The following INPP4B variants were observed in gnomAD, a reference collection of about 807,000 sequenced individuals.
INPP4B encodes inositol polyphosphate 4-phosphatase type II.
Under a neutral mutation model 122.5 loss-of-function variants are expected in INPP4B, and 55 were observed. That is an observed-to-expected ratio of 0.45 (90% CI 0.36 to 0.56). The LOEUF (loss-of-function observed/expected upper bound fraction) is 0.56. Ranked by LOEUF, INPP4B falls within the 20% of genes least tolerant of loss-of-function variation. The probability of loss-of-function intolerance (pLI) is 0.00; values close to 1 mark genes in which losing one functional copy is unlikely to be tolerated. For synonymous variants in INPP4B, 403 were observed against 388.7 expected, an observed-to-expected ratio of 1.04 and a Z score of -0.43; for missense variants, 1,000 against 1,097.7, an observed-to-expected ratio of 0.91 and a Z score of 1.26.
chr4:142,524,070 G>A (rs1418407414), intron 2 of INPP4B, among the ~76,000 whole-genome samples: 1 of 151,170 alleles, frequency 6.6e-6, no homozygotes, highest in Non-Finnish European at 1.5e-5. Context: ...TTGGACATTT[G>A]GGATGGTTCC....
At chr4:142,240,402 AT>A (rs1858781494) in intron 11 of INPP4B, among the ~76,000 whole-genome samples, 1 of 152,100 alleles carries the variant, frequency 6.6e-6, no homozygotes, top group Non-Finnish European at 1.5e-5. Flanking sequence ...GTTGAAATAG[AT>A]TAAACAGAAA....
At chr4:142,073,696 T>C (rs1319220710) in intron 25 of INPP4B, among the ~76,000 whole-genome samples, 2 of 152,106 alleles carry the variant, frequency 1.3e-5, no homozygotes, top group Non-Finnish European at 2.9e-5. Context: ...ACAAGGCAGA[T>C]GGTGTTTGTA....
At chr4:142,763,304 G>A (rs1209002078) in intron 1 of INPP4B, among the ~76,000 whole-genome samples, 1 of 152,128 alleles carries the variant, frequency 6.6e-6, no homozygotes, top group Non-Finnish European at 1.5e-5. Context: ...ACTAACAGAA[G>A]TCTTTCATAA....
intron 2 of INPP4B, among the ~76,000 whole-genome samples, chr4:142,684,278 A>T (rs890978922): frequency 1.6e-4 from 25 of 152,146 alleles, no homozygotes; most frequent in African/African-American, 6.0e-4. Context: ...CATCCTTAGA[A>T]CACAATATGG....
chr4:142,671,404 T>C (rs1756975355), intron 2 of INPP4B, among the ~76,000 whole-genome samples: 1 of 152,176 alleles, frequency 6.6e-6, no homozygotes, highest in African/African-American at 2.4e-5. Flanking sequence ...TCCAATGAAA[T>C]GGATTCTGAA....
At chr4:142,225,631 G>T (rs1851214511) in intron 12 of INPP4B, among the ~76,000 whole-genome samples, 1 of 151,244 alleles carries the variant, frequency 6.6e-6, no homozygotes, top group South Asian at 2.1e-4. Context: ...TAAAGTCCTT[G>T]TATTATATGC....
chr4:142,203,483 T>C (rs966005829), intron 14 of INPP4B, among the ~76,000 whole-genome samples: 2 of 152,164 alleles, frequency 1.3e-5, no homozygotes, highest in African/African-American at 4.8e-5. Flanking sequence ...ATAAAATTTA[T>C]TAAAGTATAT....
At chr4:142,650,311 A>G (rs1005261536) in intron 2 of INPP4B, among the ~76,000 whole-genome samples, 1 of 152,206 alleles carries the variant, frequency 6.6e-6, no homozygotes, top group Non-Finnish European at 1.5e-5. Flanking sequence ...GCATCAATTA[A>G]CAGGCAAAAT....
chr4:142,450,304 A>G (rs1813854903), intron 3 of INPP4B, among the ~76,000 whole-genome samples: 1 of 152,208 alleles, frequency 6.6e-6, no homozygotes, highest in Admixed American at 6.5e-5. Context: ...ACAGCTCACA[A>G]TAACTACTGT....
chr4:142,370,716 A>T (rs1362827651), intron 7 of INPP4B, among the ~76,000 whole-genome samples: 3 of 152,118 alleles, frequency 2.0e-5, no homozygotes, highest in Non-Finnish European at 4.4e-5. Flanking sequence ...ACACCTAGGA[A>T]TAAATTTAAC....
chr4:142,832,648 C>A (rs190793732), intron 1 of INPP4B, among the ~76,000 whole-genome samples: 58 of 152,244 alleles, frequency 3.8e-4, no homozygotes, highest in African/African-American at 1.3e-3. Flanking sequence ...GAAGAACACC[C>A]AGTATATGAA....
intron 2 of INPP4B, among the ~76,000 whole-genome samples, chr4:142,698,659 G>A (rs750235956): frequency 2.2e-4 from 33 of 152,172 alleles, no homozygotes; most frequent in Non-Finnish European, 8.8e-5. Context: ...ACCCCAGGCA[G>A]TTACAAAGAC....
chr4:142,644,523 T>C lies in INPP4B; in HGVS notation c.-191+81316A>G, dbSNP rs576083957. ...AACTTTGGTGATTAAAATGGTATTA[T>C]TGTCAACTAGCTTTAGTTAACTTCA... On this transcript the variant is annotated intron_variant, in intron 2 of 25. Transcript: ENST00000262992. Among the ~76,000 whole-genome samples, 13 of 152,040 alleles carry C rather than the reference T, an allele frequency of 8.6e-5. No individual in the cohort carries two copies. The East Asian group carries it at 9.7e-4, about 11-fold the overall frequency.
intron 2 of INPP4B, among the ~76,000 whole-genome samples, chr4:142,503,556 CAT>C (rs1343663366): frequency 3.3e-5 from 5 of 151,998 alleles, no homozygotes; most frequent in African/African-American, 1.2e-4. Flanking sequence ...GTTGGGAAGA[CAT>C]AGTATGAAAA....
intron 2 of INPP4B, among the ~76,000 whole-genome samples, chr4:142,650,226 T>C (rs1218466991): frequency 6.6e-6 from 1 of 151,974 alleles, no homozygotes; most frequent in Non-Finnish European, 1.5e-5. Context: ...GCACTAAACA[T>C]GGAAAGAAAC....
intron 9 of INPP4B, among the ~76,000 whole-genome samples, chr4:142,272,309 C>G (rs1464794146): frequency 6.6e-6 from 1 of 151,494 alleles, no homozygotes; most frequent in African/African-American, 2.4e-5. Flanking sequence ...AGATAAGGTA[C>G]AAATTAAAAC....
At chr4:142,555,443 G>A (rs1480306989) in intron 2 of INPP4B, among the ~76,000 whole-genome samples, 2 of 152,144 alleles carry the variant, frequency 1.3e-5, no homozygotes, top group Non-Finnish European at 2.9e-5. Context: ...ATAAGATTTG[G>A]CTACAATGCA....
chr4:142,767,894 G>A (rs1014679547), intron 1 of INPP4B: 1 of 152,284 alleles, frequency 6.6e-6, no homozygotes, highest in East Asian at 1.9e-4. Flanking sequence ...TCACTTCTGT[G>A]CCAGGACATT....
At chr4:142,840,682 A>C (rs1783372074) in intron 1 of INPP4B, among the ~76,000 whole-genome samples, 1 of 152,122 alleles carries the variant, frequency 6.6e-6, no homozygotes. Flanking sequence ...AATATATTGC[A>C]CTTAAAATGA....
Sources: gnomAD v4.1 joint callset for allele counts (sites outside exome capture counted in the v4.1 genomes callset) on GRCh38, gnomAD v4.1.1 for gene constraint, MANE v1.5 for transcripts, NCBI Gene and HGNC (gene_info 2026-07-23, HGNC 2026-07-21) for gene names.